Variants in GCNA observed in about 807,000 individuals in gnomAD.
GCNA encodes the protein germ cell nuclear acidic protein.
GCNA carries 3 observed loss-of-function variants against 38.8 expected under a neutral mutation model. That is an observed-to-expected ratio of 0.08 (90% CI 0.04 to 0.20). The LOEUF is 0.20. Ranked by LOEUF, GCNA falls within the 10% of genes least tolerant of loss-of-function variation. The probability of loss-of-function intolerance (pLI) is 1.00; values close to 1 mark genes in which losing one functional copy is unlikely to be tolerated. For synonymous variants in GCNA, 195 were observed against 240.2 expected (o/e 0.81, Z 1.74); for missense variants, 446 against 578.6 (o/e 0.77, Z 2.35).
chrX:71,605,625 G>A (rs1213050807), intron 8 of GCNA, 38 bp from the exon 9 acceptor site: 8 of 1,140,764 alleles, frequency 7.0e-6, no homozygotes, highest in East Asian at 6.2e-5. Flanking sequence ...ACCAATTTTC[G>A]GGGTACAAGT....
Position 71,579,129 on chromosome X carries a change from G to A in GCNA, c.-3+607G>A, listed in dbSNP as rs2040525372. 1.8e-5 allele frequency among the ~76,000 whole-genome samples: 2 copies of A among 108,241 alleles called. 1 individual carries two copies. The highest frequency in any genetic ancestry group is 9.7e-3 in the Middle Eastern group (2 of 206). The allele number at this position is 108,241 out of a possible 115,157, so 94.0% of individuals were successfully genotyped here. On this transcript the variant is annotated intron_variant, in intron 1 of 12. Transcript: ENST00000373696. Reference sequence around the variant, plus strand: ...GGCGCCAGTGGCTATGTAGGAATACGTGGCGCCGGTGGCGGCGCGGGGAGA... The same window carrying A: ...GGCGCCAGTGGCTATGTAGGAATACATGGCGCCGGTGGCGGCGCGGGGAGA...
chrX:71,592,974 A>G (rs778386577), intron 4 of GCNA, among the ~76,000 whole-genome samples: 1 of 111,612 alleles, frequency 9.0e-6, no homozygotes, highest in South Asian at 3.8e-4. Flanking sequence ...CCTCACTGCA[A>G]TCTCCACCTC....
intron 9 of GCNA, among the ~76,000 whole-genome samples, chrX:71,608,398 G>C (rs892149222): frequency 9.0e-6 from 1 of 111,392 alleles, no homozygotes; most frequent in South Asian, 3.8e-4. Flanking sequence ...TCAGCCTCCC[G>C]AGTAGCTGGG....
intron 2 of GCNA, among the ~76,000 whole-genome samples, chrX:71,581,367 C>T (rs1177694614): frequency 9.0e-6 from 1 of 111,636 alleles, no homozygotes; most frequent in East Asian, 2.8e-4. Context: ...TCTGCTCTGT[C>T]GCCCGGGTTG....
intron 2 of GCNA, 132 bp from the exon 3 acceptor site, chrX:71,591,990 G>A (rs2040632286): frequency 1.9e-6 from 1 of 539,264 alleles, no homozygotes; most frequent in Non-Finnish European, 3.0e-6. Context: ...AGGGCTTAAA[G>A]CCCTTAAAAC....
At chrX:71,609,647 T>G (rs1244325576) in intron 10 of GCNA, among the ~76,000 whole-genome samples, 1 of 112,019 alleles carries the variant, frequency 8.9e-6, no homozygotes, top group East Asian at 2.8e-4. Flanking sequence ...TAGGACATAG[T>G]AAGCTCTTAT....
intron 2 of GCNA, among the ~76,000 whole-genome samples, chrX:71,590,331 T>C (rs1288042402): frequency 9.0e-6 from 1 of 111,590 alleles, no homozygotes; most frequent in Non-Finnish European, 1.9e-5. Context: ...CTTTGTTCCT[T>C]TTGCCTGACC....
Position 71,604,062 on chromosome X carries a change from C to T in GCNA, c.785C>T (p.Ser262Leu), listed in dbSNP as rs1346707760. Residue 262 changes from serine (S) to leucine (L), a missense_variant, in exon 8 of 13, where the codon TCG (serine) becomes TTG (leucine). By Grantham distance (145) the Ser-to-Leu change is moderately radical. Transcript: ENST00000373696. ...GCTCCCGACGACAGCAGTGATGATT[C>T]GGAAGCTCCCGACGACAGCAGTGAT... ...SEAPDDSSDD[S>L]EAPDDSSDDS... 8 of 828,533 alleles carry T rather than the reference C, an allele frequency of 9.7e-6. No individual in the cohort carries two copies. The highest frequency in any genetic ancestry group is 4.3e-5 in the African/African-American group (2 of 46,549). 68.3% of individuals were successfully genotyped at this position (828,533 alleles called of 1,213,427 possible). A position where few individuals can be genotyped will look rare whatever the true frequency, so the allele number is the denominator to read the frequency against.
chrX:71,604,288 A>C lies in GCNA; in HGVS notation c.1011A>C (p.Pro337=). 8.2e-7 allele frequency: 1 copy of C among 1,212,566 alleles called. No individual in the cohort carries two copies. The highest frequency in any genetic ancestry group is 1.1e-6 in the Non-Finnish European group (1 of 895,708). Reference sequence around the variant, plus strand: ...GTGATGATTTGGAAGTTCCTGTGCCAGCAGAAGATTTGTGTAATGAAGGCC... The same window carrying C: ...GTGATGATTTGGAAGTTCCTGTGCCCGCAGAAGATTTGTGTAATGAAGGCC... ...DNSDDLEVPV[P]AEDLCNEGQI... Residue 337 remains proline (P), a synonymous_variant, in exon 8 of 13, where the codon CCA becomes CCC. Transcript: ENST00000373696.
intron 5 of GCNA, 86 bp downstream of exon 5, chrX:71,594,463 T>C (rs2040654937): frequency 1.1e-6 from 1 of 889,208 alleles, no homozygotes; most frequent in African/African-American, 2.0e-5. Context: ...CTGGCCTAAG[T>C]TGGTTCTAAG....
At chrX:71,585,864 G>A (rs1037791710) in intron 2 of GCNA, among the ~76,000 whole-genome samples, 1 of 55,974 alleles carries the variant, frequency 1.8e-5, no homozygotes, top group Admixed American at 2.5e-4. Context: ...AGGGGTCTTT[G>A]GAATCACTTT....
Position 71,605,688 on chromosome X carries a change from G to A in GCNA, c.1425G>A (p.Lys475=). The part of the protein sequence containing the change: ...TPGHKKRGPS[K]KKPGAAKVEK... Reference sequence around the variant, plus strand: ...GACATAAGAAGCGTGGGCCTTCAAAGAAGAAACCCGGTGCAGCAAAAGTTG... The same window carrying A: ...GACATAAGAAGCGTGGGCCTTCAAAAAAGAAACCCGGTGCAGCAAAAGTTG... Residue 475 remains lysine (K), a synonymous_variant, in exon 9 of 13, where the codon AAG becomes AAA. Coordinates refer to ENST00000373696, the MANE Select transcript of GCNA (RefSeq NM_052957.5). 8.3e-7 allele frequency: 1 copy of A among 1,210,236 alleles called. No homozygotes were observed. The highest frequency in any genetic ancestry group is 1.1e-6 in the Non-Finnish European group (1 of 894,484).
chrX:71,597,865 G>A (rs1396658624), intron 6 of GCNA, 85 bp from the exon 7 acceptor site: 1 of 746,196 alleles, frequency 1.3e-6, no homozygotes, highest in Non-Finnish European at 2.0e-6. Context: ...AAGTGGTCAA[G>A]ATCAGAAAAG....
intron 9 of GCNA, among the ~76,000 whole-genome samples, chrX:71,605,996 G>A (rs1014149587): frequency 8.9e-6 from 1 of 112,719 alleles, no homozygotes; most frequent in Admixed American, 9.3e-5. Flanking sequence ...GGTGGAGGGG[G>A]CCTTTCTGCA....
chrX:71,589,938 AT>A (rs1157800837), intron 2 of GCNA, among the ~76,000 whole-genome samples: 107 of 91,786 alleles, frequency 1.2e-3, no homozygotes, highest in Admixed American at 1.1e-3. Flanking sequence ...TCGTTGTTTG[AT>A]TTTTTTTTTT....
Position 71,610,694 on chromosome X carries a change from T to C in GCNA, c.1625T>C (p.Leu542Pro), listed in dbSNP as rs760680011. The C allele has an allele frequency of 6.6e-6, 8 of 1,210,343 alleles. No individual in the cohort carries two copies. The highest frequency in any genetic ancestry group is 8.9e-6 in the Non-Finnish European group (8 of 895,070). ...SVCDKKLPEKLRIGWNNKMVK... is the reference protein window; with the variant it reads ...SVCDKKLPEKPRIGWNNKMVK... Reference sequence around the variant, plus strand: ...TTTCATTCTCAGCTGCCAGAGAAACTACGCATAGGCTGGAATAACAAGATG... The same window carrying C: ...TTTCATTCTCAGCTGCCAGAGAAACCACGCATAGGCTGGAATAACAAGATG... The change falls in exon 11 of 13, where the codon CTA (leucine) becomes CCA (proline). Residue 542 changes from leucine to proline, a missense_variant. By Grantham distance (98) the Leu-to-Pro change is moderately conservative (BLOSUM62 -3). Around this residue, in one of 7 missense-constraint regions of GCNA, gnomAD observed 60 missense variants for 111.0 expected, o/e 0.54. Transcript: ENST00000373696.
At chrX:71,593,018 A>G (rs1377040564) in intron 4 of GCNA, among the ~76,000 whole-genome samples, 1 of 111,505 alleles carries the variant, frequency 9.0e-6, no homozygotes, top group East Asian at 2.8e-4. Flanking sequence ...CTCAGCCTCC[A>G]GAGTAGCTGG....
chrX:71,586,222 A>G (rs1262271155), intron 2 of GCNA, among the ~76,000 whole-genome samples: 1 of 108,540 alleles, frequency 9.2e-6, no homozygotes, highest in African/African-American at 3.4e-5. Context: ...GTAGGGTGCT[A>G]CTAGTGGAGT....
At chrX:71,580,748 A>G in intron 1 of GCNA, 72 bp from the exon 2 acceptor site, 1 of 1,018,353 alleles carries the variant, frequency 9.8e-7, no homozygotes, top group South Asian at 2.0e-5. Context: ...TGCTGGGATT[A>G]TAGGCGTGAG....
Sources: gnomAD v4.1 joint callset for allele counts (sites outside exome capture counted in the v4.1 genomes callset) on GRCh38, gnomAD v4.1.1 for gene constraint, gnomAD v4.1.1 regional missense constraint, MANE v1.5 for transcripts, NCBI Gene and HGNC (gene_info 2026-07-23, HGNC 2026-07-21) for gene names.